The following DLGAP2 variants were observed in gnomAD, a reference collection of about 807,000 sequenced individuals.
DLGAP2 encodes disks large-associated protein 2.
A neutral mutation model predicts 100.3 loss-of-function variants in DLGAP2; 26 were observed. That is an observed-to-expected ratio of 0.26 (90% CI 0.19 to 0.36). The LOEUF is 0.36. Among genes scored for constraint, DLGAP2 ranks in the 10% least tolerant of loss-of-function variants. The probability of loss-of-function intolerance (pLI) is 1.00; values close to 1 mark genes in which losing one functional copy is unlikely to be tolerated. For missense variants in DLGAP2, 1,858 were observed against 1,453.2 expected (o/e 1.28, Z -4.53); for synonymous variants, 886 against 630.1 (o/e 1.41, Z -6.08).
chr8:793,961 A>G (rs549076950), intron 1 of DLGAP2, among the ~76,000 whole-genome samples: 4 of 152,192 alleles, frequency 2.6e-5, no homozygotes, highest in South Asian at 4.1e-4. Context: ...GACTCCAGGC[A>G]TCTGCTTGTC....
At chr8:1,389,954 T>G (rs1046107905) in intron 3 of DLGAP2, among the ~76,000 whole-genome samples, 2 of 151,792 alleles carry the variant, frequency 1.3e-5, no homozygotes, top group Non-Finnish European at 2.9e-5. Flanking sequence ...CACAGACAGC[T>G]CTCCCTCACA....
intron 3 of DLGAP2, among the ~76,000 whole-genome samples, chr8:1,386,239 G>T (rs895353551): frequency 6.6e-6 from 1 of 152,144 alleles, no homozygotes; most frequent in Non-Finnish European, 1.5e-5. Flanking sequence ...CCAGGAAAAG[G>T]AAATTCTAGA....
At chr8:996,101 A>G (rs977480400) in intron 2 of DLGAP2, among the ~76,000 whole-genome samples, 1 of 152,180 alleles carries the variant, frequency 6.6e-6, no homozygotes, top group African/African-American at 2.4e-5. Context: ...TCCTCAGACC[A>G]GTATGCTGTG....
chr8:1,505,632 T>G (rs1190291899), intron 4 of DLGAP2, among the ~76,000 whole-genome samples: 1 of 152,228 alleles, frequency 6.6e-6, no homozygotes, highest in Non-Finnish European at 1.5e-5. Flanking sequence ...TCCATAAAAT[T>G]AAAGTCACTG....
chr8:1,588,126 C>G (rs1036760267), intron 6 of DLGAP2, among the ~76,000 whole-genome samples: 16 of 152,188 alleles, frequency 1.1e-4, no homozygotes, highest in African/African-American at 3.6e-4. Context: ...ATATGAGTCA[C>G]TCTCTTTACT....
chr8:1,548,739 G>A lies in DLGAP2; in HGVS notation c.286G>A (p.Gly96Arg), dbSNP rs771718672. The A allele has an allele frequency of 5.6e-6, 9 of 1,606,236 alleles. No individual in the cohort carries two copies. The Admixed American group carries it at 6.7e-5, about 12-fold the overall frequency. Residue 96 changes from glycine to arginine, a missense_variant, in exon 5 of 15, where the codon GGG becomes AGG. Gly to Arg is a moderately radical substitution (Grantham distance 125). Transcript: ENST00000637795. ...TCGGACCCAGCCGCCGCTGTGTTCCGGGCACACGTGTGGTCTGGCGCCCCC... is the reference window on the plus strand; with the variant it reads ...TCGGACCCAGCCGCCGCTGTGTTCCAGGCACACGTGTGGTCTGGCGCCCCC... Reference protein sequence around the residue: ...GSRTQPPLCSGHTCGLAPPED... With the variant: ...GSRTQPPLCSRHTCGLAPPED...
At chr8:1,287,435 G>A (rs1197404311) in intron 3 of DLGAP2, among the ~76,000 whole-genome samples, 3 of 135,494 alleles carry the variant, frequency 2.2e-5, no homozygotes, top group African/African-American at 8.8e-5. Context: ...GTGTGTGTGT[G>A]TGTGGTTGTT....
intron 6 of DLGAP2, among the ~76,000 whole-genome samples, chr8:1,591,047 T>G (rs1796274306): frequency 1.3e-5 from 2 of 152,224 alleles, no homozygotes; most frequent in South Asian, 4.1e-4. Context: ...TACACATTCT[T>G]GCCCTTCCGT....
chr8:1,061,549 G>A (rs937167175), intron 2 of DLGAP2, among the ~76,000 whole-genome samples: 35 of 152,200 alleles, frequency 2.3e-4, no homozygotes, highest in African/African-American at 8.2e-4. Context: ...TTTGGGGTAA[G>A]ACGTGTGTGG....
At chr8:1,328,712 T>C (rs1444398438) in intron 3 of DLGAP2, among the ~76,000 whole-genome samples, 2 of 152,198 alleles carry the variant, frequency 1.3e-5, no homozygotes, top group South Asian at 2.1e-4. Flanking sequence ...AAACTCGTAG[T>C]AAAGACAGAA....
At chr8:1,071,846 A>G (rs1466974546) in intron 2 of DLGAP2, among the ~76,000 whole-genome samples, 1 of 152,216 alleles carries the variant, frequency 6.6e-6, no homozygotes, top group Non-Finnish European at 1.5e-5. Context: ...AACATTTAAA[A>G]AGTGACATGT....
At chr8:1,519,117 A>T (rs1800499959) in intron 4 of DLGAP2, among the ~76,000 whole-genome samples, 1 of 152,164 alleles carries the variant, frequency 6.6e-6, no homozygotes, top group African/African-American at 2.4e-5. Flanking sequence ...TGGCTTTCAC[A>T]TGTGATGTGC....
chr8:753,661 G>A (rs900559035), intron 1 of DLGAP2: 3 of 152,218 alleles, frequency 2.0e-5, no homozygotes, highest in African/African-American at 7.2e-5. Flanking sequence ...TAGGAGCTTC[G>A]AGTTCTTTAT....
intron 8 of DLGAP2, among the ~76,000 whole-genome samples, chr8:1,662,186 G>A (rs968857696): frequency 5.3e-5 from 8 of 152,148 alleles, no homozygotes; most frequent in Non-Finnish European, 2.9e-5. Flanking sequence ...ATATTCGAAG[G>A]CCTCTTTCCC....
At chr8:1,559,528 T>C (rs1332614030) in intron 5 of DLGAP2, among the ~76,000 whole-genome samples, 1 of 152,236 alleles carries the variant, frequency 6.6e-6, no homozygotes, top group Non-Finnish European at 1.5e-5. Context: ...AAATTTCTTC[T>C]GTCAAAGCCT....
chr8:1,446,876 T>C (rs1761526227), intron 3 of DLGAP2, among the ~76,000 whole-genome samples: 1 of 152,232 alleles, frequency 6.6e-6, no homozygotes, highest in African/African-American at 2.4e-5. Context: ...AGTTCACTCA[T>C]GATTTGGCTC....
chr8:922,383 A>T (rs1283263482), intron 2 of DLGAP2, among the ~76,000 whole-genome samples: 1 of 152,182 alleles, frequency 6.6e-6, no homozygotes, highest in Non-Finnish European at 1.5e-5. Context: ...CGAATTTCTT[A>T]TTTCGAGATG....
chr8:1,372,234 GTGCCAACGCTGGGACGCTGGTCACCGTGC>G (rs1563111407), intron 3 of DLGAP2, among the ~76,000 whole-genome samples: 31 of 82,810 alleles, frequency 3.7e-4, no homozygotes, highest in East Asian at 1.2e-3. Flanking sequence ...GGTCACCGTG[GTGCCAACGCTGGGACGCTGGTCACCGTGC>G]TGCCAACGCT....
chr8:1,358,336 G>A (rs189613351), intron 3 of DLGAP2, among the ~76,000 whole-genome samples: 84 of 152,186 alleles, frequency 5.5e-4, no homozygotes, highest in Middle Eastern at 3.4e-3. Flanking sequence ...AGGTTCAATC[G>A]TAGATTACGG....
Sources: gnomAD v4.1 joint callset for allele counts (sites outside exome capture counted in the v4.1 genomes callset) on GRCh38, gnomAD v4.1.1 for gene constraint, MANE v1.5 for transcripts, NCBI Gene and HGNC (gene_info 2026-07-23, HGNC 2026-07-21) for gene names.